The following SMG6 variants were observed in gnomAD, a reference collection of about 807,000 sequenced individuals.
SMG6 encodes SMG6 nonsense mediated mRNA decay factor.
A neutral mutation model predicts 142.2 loss-of-function variants in SMG6; 66 were observed. The ratio of observed to expected loss-of-function variants is 0.46; its 90% confidence interval spans 0.38 to 0.57. SMG6 has a LOEUF of 0.57. SMG6 is among the 20% of genes least tolerant of loss of function. The probability of loss-of-function intolerance (pLI) is 0.00; values close to 1 mark genes in which losing one functional copy is unlikely to be tolerated. For missense variants in SMG6, 1,793 were observed against 1,832.0 expected (o/e 0.98, Z 0.39); for synonymous variants, 779 against 702.4 (o/e 1.11, Z -1.72).
intron 11 of SMG6, 99 bp from the exon 12 acceptor site, chr17:2,186,930 C>T: frequency 7.7e-7 from 1 of 1,306,528 alleles, no homozygotes; most frequent in Admixed American, 2.3e-5. Flanking sequence ...GGAAGGGAGA[C>T]CAAGTCCACA....
At chr17:2,104,596 T>C (rs1011532163) in intron 13 of SMG6, among the ~76,000 whole-genome samples, 2 of 151,664 alleles carry the variant, frequency 1.3e-5, no homozygotes, top group Non-Finnish European at 2.9e-5. Context: ...AGTTAGCATC[T>C]TACTTCCTCT....
rs1049661636 is a variant in SMG6, at chr17:2,097,143, A to G, written c.3358-11242T>C. On this transcript the variant is annotated intron_variant, in intron 13 of 18. Coordinates refer to ENST00000263073, the MANE Select transcript of SMG6 (RefSeq NM_017575.5). Reference sequence around the variant, plus strand: ...ATTACTTAACATTGAAGAAATATATAATTTTTCTTTTCTTTTCTTTTTTTT... The same window carrying G: ...ATTACTTAACATTGAAGAAATATATGATTTTTCTTTTCTTTTCTTTTTTTT... 5.4e-5 allele frequency among the ~76,000 whole-genome samples: 8 copies of G among 147,598 alleles called. No individual in the cohort carries two copies. The East Asian group carries it at 1.6e-3, about 29-fold the overall frequency.
intron 13 of SMG6, among the ~76,000 whole-genome samples, chr17:2,148,164 C>T (rs1006204505): frequency 2.0e-5 from 3 of 152,034 alleles, no homozygotes; most frequent in Non-Finnish European, 4.4e-5. Context: ...GCACTCCAGC[C>T]TGGGCGACAG....
chr17:2,081,347 G>A (rs1401737712), intron 15 of SMG6, among the ~76,000 whole-genome samples: 2 of 152,112 alleles, frequency 1.3e-5, no homozygotes, highest in Admixed American at 6.5e-5. Flanking sequence ...CAAGGGTGTA[G>A]GGAGTATCTT....
intron 6 of SMG6, among the ~76,000 whole-genome samples, chr17:2,291,193 T>A (rs1427232635): frequency 6.6e-6 from 1 of 151,878 alleles, no homozygotes. Flanking sequence ...TAGCCGGGCG[T>A]GGTGGCGGGC....
At chr17:2,177,728 G>C (rs1282500797) in intron 12 of SMG6, among the ~76,000 whole-genome samples, 2 of 152,206 alleles carry the variant, frequency 1.3e-5, no homozygotes, top group South Asian at 2.1e-4. Context: ...TGGGAAACAA[G>C]TTGGGTCTTC....
intron 8 of SMG6, among the ~76,000 whole-genome samples, chr17:2,253,703 A>T (rs2074100744): frequency 6.6e-6 from 1 of 152,208 alleles, no homozygotes; most frequent in African/African-American, 2.4e-5. Context: ...CCCAATGCTA[A>T]GAGCCCACAA....
chr17:2,264,452 A>G (rs2074379648), intron 8 of SMG6, among the ~76,000 whole-genome samples: 1 of 152,212 alleles, frequency 6.6e-6, no homozygotes, highest in Admixed American at 6.5e-5. Flanking sequence ...CAGACCTCAA[A>G]ATCATCTGGA....
At chr17:2,286,307 CAA>C (rs74656326) in intron 6 of SMG6, among the ~76,000 whole-genome samples, 284 of 89,302 alleles carry the variant, frequency 3.2e-3, no homozygotes, top group East Asian at 0.026. Context: ...CTCAAATGGC[CAA>C]AAAAAAAAAA....
chr17:2,241,781 A>C (rs2073807927), intron 9 of SMG6, among the ~76,000 whole-genome samples: 1 of 152,246 alleles, frequency 6.6e-6, no homozygotes, highest in African/African-American at 2.4e-5. Context: ...AGTGGAGGGG[A>C]AATCAGGGTG....
chr17:2,087,076 T>A, intron 13 of SMG6: 1 of 1,290,522 alleles, frequency 7.7e-7, no homozygotes, highest in Non-Finnish European at 1.0e-6. Flanking sequence ...AGTACTAACC[T>A]GGAGACTACT....
At chr17:2,144,583 C>A (rs958457994) in intron 13 of SMG6, among the ~76,000 whole-genome samples, 8 of 151,836 alleles carry the variant, frequency 5.3e-5, no homozygotes, top group African/African-American at 1.9e-4. Context: ...AGGCTGTGGG[C>A]TGATTTCCAT....
At chr17:2,288,456 C>T (rs1302415006) in intron 6 of SMG6, among the ~76,000 whole-genome samples, 1 of 151,312 alleles carries the variant, frequency 6.6e-6, no homozygotes, top group Non-Finnish European at 1.5e-5. Flanking sequence ...CAAATCTCTA[C>T]TAAAAATACA....
intron 10 of SMG6, among the ~76,000 whole-genome samples, chr17:2,208,822 C>T (rs2072764220): frequency 6.6e-6 from 1 of 152,320 alleles, no homozygotes; most frequent in Middle Eastern, 3.4e-3. Flanking sequence ...AAAAAGGTTG[C>T]AAACATGAAT....
chr17:2,156,506 C>T (rs1052689561), intron 13 of SMG6, among the ~76,000 whole-genome samples: 1 of 151,056 alleles, frequency 6.6e-6, no homozygotes, highest in African/African-American at 2.4e-5. Context: ...TCTGTTATTT[C>T]CCAAAGAGAT....
intron 8 of SMG6, chr17:2,266,041 C>T: frequency 1.0e-6 from 1 of 985,336 alleles, no homozygotes; most frequent in Non-Finnish European, 1.2e-6. Flanking sequence ...AACACTTTAC[C>T]AGGAAGAGCA....
At chr17:2,130,128 C>T (rs569069605) in intron 13 of SMG6, among the ~76,000 whole-genome samples, 5 of 150,930 alleles carry the variant, frequency 3.3e-5, no homozygotes, top group East Asian at 2.0e-4. Context: ...GGCGTGGTGG[C>T]GGGCGCCTGT....
chr17:2,092,854 A>C (rs930368705), intron 13 of SMG6, among the ~76,000 whole-genome samples: 8 of 152,350 alleles, frequency 5.3e-5, no homozygotes, highest in Admixed American at 5.2e-4. Context: ...TAGACAAGTT[A>C]CTTAACCTCT....
intron 13 of SMG6, among the ~76,000 whole-genome samples, chr17:2,110,965 A>G (rs2069298174): frequency 6.6e-6 from 1 of 152,216 alleles, no homozygotes. Flanking sequence ...GTACATCTGA[A>G]GGCCGCTACG....
Sources: allele counts gnomAD v4.1 joint callset (sites outside exome capture counted in the v4.1 genomes callset), GRCh38; gene constraint gnomAD v4.1.1; transcripts MANE v1.5; gene names NCBI Gene and HGNC (gene_info 2026-07-23, HGNC 2026-07-21).